Variants in TRIP12 observed in about 807,000 individuals in gnomAD.
TRIP12 encodes thyroid hormone receptor interactor 12.
TRIP12 carries 25 observed loss-of-function variants against 244.2 expected under a neutral mutation model. The ratio of observed to expected loss-of-function variants is 0.10; its 90% CI spans 0.07 to 0.14. The LOEUF is 0.14. Among genes scored for constraint, TRIP12 ranks in the 10% least tolerant of loss-of-function variants. TRIP12 has a pLI of 1.00. For missense variants in TRIP12, 1,677 were observed against 2,486.4 expected (o/e 0.67, Z 6.92); for synonymous variants, 905 against 873.1 (o/e 1.04, Z -0.64).
intron 8 of TRIP12, among the ~76,000 whole-genome samples, chr2:229,822,759 C>T (rs907446375): frequency 6.6e-5 from 10 of 151,998 alleles, no homozygotes; most frequent in African/African-American, 2.4e-4. Flanking sequence ...TAAAAGCAGA[C>T]CAATACTTCT....
At chr2:229,850,759 C>T (rs1317214707) in intron 4 of TRIP12, among the ~76,000 whole-genome samples, 1 of 152,216 alleles carries the variant, frequency 6.6e-6, no homozygotes, top group African/African-American at 2.4e-5. Flanking sequence ...CCGGCGCTTG[C>T]GGGCCAGCTG....
At chr2:229,796,034 G>A (rs2042733140) in intron 25 of TRIP12, among the ~76,000 whole-genome samples, 1 of 152,184 alleles carries the variant, frequency 6.6e-6, no homozygotes, top group Admixed American at 6.5e-5. Context: ...TGTAAAACAA[G>A]GAGAATGCTG....
intron 5 of TRIP12, among the ~76,000 whole-genome samples, chr2:229,839,201 C>G (rs1483400220): frequency 6.6e-6 from 1 of 152,206 alleles, no homozygotes; most frequent in Non-Finnish European, 1.5e-5. Context: ...GGTGTTACAA[C>G]TGTCTACAGT....
In TRIP12 at chr2:229,791,169, T is replaced by C. The variant is rs2041431997; in HGVS notation, c.4498A>G (p.Lys1500Glu). 6.2e-7 allele frequency: 1 copy of C among 1,614,068 alleles called. No homozygotes were observed. Among genetic ancestry groups the C allele is most frequent in the African/African-American group, 1.3e-5 (1 of 74,946 alleles). ...KRGRAQTAPTKTSPRNAKKHD... is the reference protein window; with the variant it reads ...KRGRAQTAPTETSPRNAKKHD... ...TTTTTTGCATTTCTAGGGGAAGTTT[T>C]CGTTGGAGCTGTTTGGGCTCTTCCT... Residue 1500 changes from lysine to glutamate, a missense_variant, in exon 30 of 42, where the codon AAA becomes GAA. This residue lies in a region of TRIP12 where 265 missense variants were observed against 370.8 expected (regional missense o/e 0.71). Transcript: ENST00000675903.
At chr2:229,772,736 A>G (rs1247148037) in intron 38 of TRIP12, among the ~76,000 whole-genome samples, 1 of 152,148 alleles carries the variant, frequency 6.6e-6, no homozygotes, top group Admixed American at 6.5e-5. Context: ...TGTTGGGATT[A>G]CAAGTGTGAG....
chr2:229,922,722 A>G, upstream of TRIP12: 1 of 1,084,282 alleles, frequency 9.2e-7, no homozygotes, highest in Non-Finnish European at 1.3e-6. Flanking sequence ...GGAAGCGCCC[A>G]GTCCCGGCTC....
chr2:229,790,521 G>C (rs1196284086), intron 30 of TRIP12, among the ~76,000 whole-genome samples: 2 of 145,946 alleles, frequency 1.4e-5, no homozygotes, highest in Non-Finnish European at 3.1e-5. Context: ...GGTGGCGGCA[G>C]GGGGCAGGGA....
intron 17 of TRIP12, among the ~76,000 whole-genome samples, chr2:229,806,648 T>A (rs549301059): frequency 6.6e-6 from 1 of 152,182 alleles, no homozygotes; most frequent in African/African-American, 2.4e-5. Flanking sequence ...ATTAGCAGGA[T>A]TGGCCTGCTT....
At chr2:229,802,145 A>AAT (rs1364156363) in intron 21 of TRIP12, 107 bp downstream of exon 21, 8 of 747,846 alleles carry the variant, frequency 1.1e-5, no homozygotes, top group African/African-American at 9.1e-5. Context: ...GGAAAAATAT[A>AAT]ATATATATAT....
At chr2:229,845,843 T>C (rs7576200) in intron 4 of TRIP12, among the ~76,000 whole-genome samples, 6,550 of 144,400 alleles carry the variant, frequency 0.045, 477 homozygotes, top group African/African-American at 0.16. Context: ...CTGGGCAACA[T>C]AGTTTCTACA....
chr2:229,876,148 C>A (rs1050746398), intron 2 of TRIP12, among the ~76,000 whole-genome samples: 1 of 152,068 alleles, frequency 6.6e-6, no homozygotes, highest in Non-Finnish European at 1.5e-5. Context: ...GTGGCCCGTG[C>A]CTGTAATCCC....
intron 4 of TRIP12, among the ~76,000 whole-genome samples, chr2:229,849,459 G>C (rs1038958990): frequency 1.3e-5 from 2 of 151,916 alleles, no homozygotes; most frequent in Non-Finnish European, 2.9e-5. Context: ...TGGGGGTGGG[G>C]GAGAAGAATC....
intron 25 of TRIP12, among the ~76,000 whole-genome samples, chr2:229,795,906 T>C (rs1050799610): frequency 1.3e-5 from 2 of 152,254 alleles, no homozygotes; most frequent in African/African-American, 4.8e-5. Flanking sequence ...AATGCTCAAA[T>C]GCCTCTGAGG....
rs552488868 is a variant in TRIP12, at chr2:229,764,597, T to C, written c.*2957A>G. On this transcript the variant is annotated 3_prime_UTR_variant, in exon 42 of 42. Transcript: ENST00000675903. ...TCGAGAGTACAGCTGCAGCACCTGC[T>C]AAGCCAGAAGGAAGACGGCAAACTT... 5 of 152,260 alleles carry C rather than the reference T, an allele frequency of 3.3e-5. No individual in the cohort carries two copies. Among genetic ancestry groups the C allele is most frequent in the Admixed American group, 2.0e-4 (3 of 15,288 alleles). The allele number at this position is 152,260 out of a possible 1,614,324, so 9.4% of individuals were successfully genotyped here.
At position 229,864,037 on chromosome 2, in the gene TRIP12, AGAGAGAGAGAGTGTGTGTGT is replaced by A. The variant is rs1335757661; in HGVS notation, c.99-3526_99-3507del. Among the ~76,000 whole-genome samples, 750 of 85,846 alleles carry A rather than the reference AGAGAGAGAGAGTGTGTGTGT, an allele frequency of 8.7e-3. 5 individuals are homozygous for A. The highest frequency in any genetic ancestry group is 0.026 in the African/African-American group (691 of 26,194). 56.3% of individuals were successfully genotyped at this position (85,846 alleles called of 152,430 possible). On this transcript the variant is annotated intron_variant, in intron 2 of 41. Transcript: ENST00000675903. ...GAGAGAGAGAGAGAGAGAGAGAGAGAGAGAGAGAGAGTGTGTGTGTGTGTGTGTGTGTGTGTGTGTGCACG... is the reference window on the plus strand; with the variant it reads ...GAGAGAGAGAGAGAGAGAGAGAGAGAGTGTGTGTGTGTGTGTGTGTGCACG...
At chr2:229,829,635 T>C (rs1304453960) in intron 7 of TRIP12, among the ~76,000 whole-genome samples, 1 of 152,216 alleles carries the variant, frequency 6.6e-6, no homozygotes, top group Non-Finnish European at 1.5e-5. Flanking sequence ...ATGATTTTTA[T>C]TAGTTCCAAA....
At chr2:229,901,384 G>GCTA (rs1324607093) in intron 1 of TRIP12, among the ~76,000 whole-genome samples, 2 of 151,698 alleles carry the variant, frequency 1.3e-5, no homozygotes, top group Admixed American at 1.3e-4. Flanking sequence ...ACTTTGGGAG[G>GCTA]CTAAGGTGGG....
intron 1 of TRIP12, among the ~76,000 whole-genome samples, chr2:229,915,144 C>T (rs1046163089): frequency 2.6e-5 from 4 of 151,994 alleles, no homozygotes; most frequent in Non-Finnish European, 5.9e-5. Flanking sequence ...CCCGGCTACT[C>T]GGGAGGCTGA....
At chr2:229,860,320 G>C (rs992744864) in intron 3 of TRIP12, 86 bp downstream of exon 3, 5 of 1,476,606 alleles carry the variant, frequency 3.4e-6, no homozygotes, top group Non-Finnish European at 4.5e-6. Flanking sequence ...AAAACGTTTT[G>C]GAATAACCTC....
Sources: allele counts gnomAD v4.1 joint callset (sites outside exome capture counted in the v4.1 genomes callset), GRCh38; gene constraint gnomAD v4.1.1; regional missense constraint gnomAD v4.1.1; transcripts MANE v1.5; gene names NCBI Gene and HGNC (gene_info 2026-07-23, HGNC 2026-07-21).